Variants in PALLD observed in about 807,000 individuals in gnomAD.
PALLD encodes the protein palladin.
PALLD carries 61 observed loss-of-function variants against 123.5 expected under a neutral mutation model. That is an observed-to-expected ratio of 0.49 (90% CI 0.40 to 0.61). PALLD has a LOEUF of 0.61. Ranked by LOEUF, PALLD falls within the 20% of genes least tolerant of loss-of-function variation. PALLD has a pLI of 0.00. For synonymous variants in PALLD, 465 were observed against 496.4 expected (o/e 0.94, Z 0.84); for missense variants, 1,273 against 1,377.0 (o/e 0.92, Z 1.20).
chr4:168,630,245 A>C (rs1775686661), intron 2 of PALLD, among the ~76,000 whole-genome samples: 1 of 152,252 alleles, frequency 6.6e-6, no homozygotes, highest in South Asian at 2.1e-4. Flanking sequence ...AGATAAACGA[A>C]GTATTCGGCT....
At chr4:168,914,074 A>C in intron 16 of PALLD, 53 bp downstream of exon 16, 1 of 1,057,070 alleles carries the variant, frequency 9.5e-7, no homozygotes. Flanking sequence ...TTATTACTAT[A>C]AATGTAGTAC....
In PALLD at chr4:168,713,295, AT is replaced by A. The variant is rs1193551146; in HGVS notation, c.1964+1375del. On this transcript the variant is annotated intron_variant, in intron 10 of 21. Coordinates refer to ENST00000505667, the MANE Select transcript of PALLD (RefSeq NM_001166108.2). ...CTAAAAAATGGTGTCCTTAAAAGAG[AT>A]TTATGCTCTTGTAGCAGCAACCCAT... Among the ~76,000 whole-genome samples the A allele has an allele frequency of 2.0e-5, 3 of 152,316 alleles. No homozygotes were observed. The East Asian group carries it at 5.8e-4, about 29-fold the overall frequency.
At chr4:168,608,593 A>G (rs1332192355) in intron 2 of PALLD, among the ~76,000 whole-genome samples, 1 of 152,062 alleles carries the variant, frequency 6.6e-6, no homozygotes, top group Non-Finnish European at 1.5e-5. Flanking sequence ...CTCATTAGAT[A>G]TTTCTCTTCT....
At chr4:168,631,604 C>A in intron 2 of PALLD, 1 of 985,512 alleles carries the variant, frequency 1.0e-6, no homozygotes, top group Non-Finnish European at 1.2e-6. Context: ...CGCCCCTCGG[C>A]GAGACGCGGC....
intron 5 of PALLD, among the ~76,000 whole-genome samples, chr4:168,683,811 T>G (rs1334593793): frequency 2.0e-5 from 3 of 152,222 alleles, no homozygotes; most frequent in Non-Finnish European, 4.4e-5. Flanking sequence ...GTAATGAGTA[T>G]GTCTTATAAG....
At chr4:168,507,880 T>C (rs1388935712) in intron 1 of PALLD, among the ~76,000 whole-genome samples, 1 of 152,200 alleles carries the variant, frequency 6.6e-6, no homozygotes, top group African/African-American at 2.4e-5. Flanking sequence ...AAATGCTTAG[T>C]AGAATTACCT....
chr4:168,553,686 TTTGTTGTTG>T (rs147504799), intron 2 of PALLD, among the ~76,000 whole-genome samples: 1 of 151,762 alleles, frequency 6.6e-6, no homozygotes, highest in African/African-American at 2.4e-5. Flanking sequence ...TTTACCCATT[TTTGTTGTTG>T]TTGTTGTTGT....
intron 17 of PALLD, among the ~76,000 whole-genome samples, chr4:168,916,984 T>C (rs1760265784): frequency 6.6e-6 from 1 of 150,542 alleles, no homozygotes; most frequent in African/African-American, 2.4e-5. Context: ...TTTCTAATTC[T>C]AAGATAAGTT....
At chr4:168,561,465 G>T (rs931585902) in intron 2 of PALLD, among the ~76,000 whole-genome samples, 2 of 152,046 alleles carry the variant, frequency 1.3e-5, no homozygotes, top group South Asian at 4.1e-4. Context: ...TTGGAAATAG[G>T]GGTCTTGCTA....
chr4:168,647,384 A>G (rs1385454739), intron 2 of PALLD, among the ~76,000 whole-genome samples: 1 of 152,220 alleles, frequency 6.6e-6, no homozygotes, highest in African/African-American at 2.4e-5. Context: ...AGGATTAATT[A>G]TTAAAATATT....
chr4:168,824,817 C>CTTTTTTTTTTT (rs148235431), intron 10 of PALLD, among the ~76,000 whole-genome samples: 1 of 97,892 alleles, frequency 1.0e-5, no homozygotes, highest in South Asian at 3.4e-4. Flanking sequence ...CAGATAAATT[C>CTTTTTTTTTTT]TTTTTTTTTT....
chr4:168,663,167 C>T (rs995035114), intron 2 of PALLD, among the ~76,000 whole-genome samples: 6 of 152,140 alleles, frequency 3.9e-5, no homozygotes, highest in Non-Finnish European at 7.3e-5. Context: ...GACTGCTATT[C>T]GGATGTGGTG....
At chr4:168,692,896 C>A (rs576062451) in intron 8 of PALLD, among the ~76,000 whole-genome samples, 2 of 152,164 alleles carry the variant, frequency 1.3e-5, no homozygotes, top group South Asian at 4.1e-4. Context: ...TGGAAAATCA[C>A]AAACAGTCAT....
chr4:168,843,627 T>C (rs1420392962), intron 10 of PALLD, among the ~76,000 whole-genome samples: 2 of 152,204 alleles, frequency 1.3e-5, no homozygotes, highest in Non-Finnish European at 2.9e-5. Flanking sequence ...AATCCACACA[T>C]GAATTAGAGG....
intron 2 of PALLD, among the ~76,000 whole-genome samples, chr4:168,657,835 T>G (rs919983497): frequency 1.3e-5 from 2 of 152,046 alleles, no homozygotes; most frequent in Non-Finnish European, 2.9e-5. Flanking sequence ...TAGGGTGGGG[T>G]GGCCAGCCTT....
intron 2 of PALLD, among the ~76,000 whole-genome samples, chr4:168,515,937 C>T (rs1449915413): frequency 2.0e-5 from 3 of 152,142 alleles, no homozygotes; most frequent in African/African-American, 2.4e-5. Context: ...GATAAAGAAG[C>T]CCCCACTCAG....
At chr4:168,878,695 G>A (rs1301465046) in intron 10 of PALLD, among the ~76,000 whole-genome samples, 3 of 145,916 alleles carry the variant, frequency 2.1e-5, no homozygotes, top group Non-Finnish European at 4.5e-5. Flanking sequence ...GGGGGGGGGT[G>A]CTTAGCTATC....
chr4:168,740,560 T>A (rs559352508), intron 10 of PALLD, among the ~76,000 whole-genome samples: 3 of 152,298 alleles, frequency 2.0e-5, no homozygotes, highest in East Asian at 3.9e-4. Context: ...GCTTTCAGAA[T>A]AATTAAGCCT....
At chr4:168,856,698 T>C (rs1044067759) in intron 10 of PALLD, among the ~76,000 whole-genome samples, 5 of 152,196 alleles carry the variant, frequency 3.3e-5, no homozygotes, top group African/African-American at 1.2e-4. Context: ...TCAGAAAAAT[T>C]AAGTGATCAA....
Sources: gnomAD v4.1 joint callset for allele counts (sites outside exome capture counted in the v4.1 genomes callset) on GRCh38, gnomAD v4.1.1 for gene constraint, MANE v1.5 for transcripts, NCBI Gene and HGNC (gene_info 2026-07-23, HGNC 2026-07-21) for gene names.